The following GLIS3 variants were observed in gnomAD, a reference collection of about 807,000 sequenced individuals.
GLIS3 encodes GLIS family zinc finger 3, also known as zinc finger protein GLIS3.
Under a neutral mutation model 78.6 loss-of-function variants are expected in GLIS3, and 53 were observed. The observed-to-expected ratio is 0.67, with a 90% CI of 0.54 to 0.85. GLIS3 has a LOEUF of 0.85. Ranked by LOEUF, GLIS3 falls within the 40% of genes least tolerant of loss-of-function variation. The pLI, the probability that GLIS3 is intolerant of heterozygous loss-of-function variation, is 0.00. For synonymous variants in GLIS3, 684 were observed against 509.9 expected (o/e 1.34, Z -4.60); for missense variants, 1,703 against 1,231.1 (o/e 1.38, Z -5.74).
chr9:4,360,387 C>G, the GLIS3 span, among the ~76,000 whole-genome samples: 2 of 152,160 alleles, frequency 1.3e-5, no homozygotes, highest in Admixed American at 6.5e-5. Context: ...CTTTCTGTAC[C>G]TGGAAAATCA....
chr9:4,347,764 T>C (rs10974485), intron 1 of GLIS3, among the ~76,000 whole-genome samples: 29,361 of 152,008 alleles, frequency 0.19, 3,010 homozygotes, highest in East Asian at 0.33. Context: ...TGGGGGAGTC[T>C]ATCGCTTTAC....
At chr9:3,885,813 A>G (rs1822038029) in intron 7 of GLIS3, among the ~76,000 whole-genome samples, 1 of 152,246 alleles carries the variant, frequency 6.6e-6, no homozygotes, top group East Asian at 1.9e-4. Flanking sequence ...GGCACTTTAT[A>G]GAGACATTGT....
chr9:4,075,292 G>A (rs1342336187), intron 4 of GLIS3, among the ~76,000 whole-genome samples: 3 of 151,964 alleles, frequency 2.0e-5, no homozygotes, highest in African/African-American at 7.3e-5. Context: ...ATTCAGGCCG[G>A]GCGCGGTGGC....
At chr9:4,240,666 G>A (rs867171915) in intron 2 of GLIS3, among the ~76,000 whole-genome samples, 9 of 152,134 alleles carry the variant, frequency 5.9e-5, no homozygotes, top group Middle Eastern at 3.2e-3. Context: ...TCAAATACAA[G>A]TTGGAATCCT....
At chr9:3,887,744 T>C (rs1822175006) in intron 7 of GLIS3, among the ~76,000 whole-genome samples, 1 of 152,180 alleles carries the variant, frequency 6.6e-6, no homozygotes, top group Non-Finnish European at 1.5e-5. Context: ...AAAGGTACCA[T>C]CAAGCATTCC....
rs554570361 is a variant in GLIS3, at chr9:3,977,704, T to A, written c.1711-40515A>T. On this transcript the variant is annotated intron_variant, in intron 4 of 10. Transcript: ENST00000381971. The surrounding 1 kb of genome is among the most constrained non-coding windows in gnomAD (Gnocchi z 4.1). ...AGATCATAGAGATGTTACTTTACTT[T>A]AATAGTTCTTTTATACAAGTACATA... 2.0e-4 allele frequency among the ~76,000 whole-genome samples: 30 copies of A among 152,338 alleles called. No homozygotes were observed. The highest frequency in any genetic ancestry group is 7.0e-4 in the African/African-American group (29 of 41,588).
the GLIS3 span, among the ~76,000 whole-genome samples, chr9:4,375,001 C>T: frequency 6.6e-6 from 1 of 152,062 alleles, no homozygotes; most frequent in African/African-American, 2.4e-5. Context: ...TTCAACCCCC[C>T]TACTGTTGGA....
chr9:4,464,995 A>G, the GLIS3 span, among the ~76,000 whole-genome samples: 2 of 152,220 alleles, frequency 1.3e-5, no homozygotes, highest in African/African-American at 4.8e-5. Flanking sequence ...CAAGCTATAA[A>G]TGGATGTGGC....
intron 8 of GLIS3, among the ~76,000 whole-genome samples, chr9:3,876,459 G>C (rs1037096899): frequency 7.3e-5 from 11 of 150,934 alleles, no homozygotes; most frequent in Non-Finnish European, 1.6e-4. Flanking sequence ...TTAGAGAATA[G>C]TATTATATCA....
intron 4 of GLIS3, among the ~76,000 whole-genome samples, chr9:3,997,495 T>C (rs1454745502): frequency 1.3e-5 from 2 of 152,062 alleles, no homozygotes; most frequent in Non-Finnish European, 2.9e-5. Flanking sequence ...TTTTATGCGA[T>C]CCTCACTCAT....
At chr9:4,076,657 A>G (rs1415296236) in intron 4 of GLIS3, among the ~76,000 whole-genome samples, 3 of 152,224 alleles carry the variant, frequency 2.0e-5, no homozygotes, top group South Asian at 2.1e-4. Flanking sequence ...GTCTTTCTTT[A>G]AAAATGTGAA....
chr9:4,177,229 C>T (rs1228237851), intron 2 of GLIS3, among the ~76,000 whole-genome samples: 1 of 152,204 alleles, frequency 6.6e-6, no homozygotes, highest in African/African-American at 2.4e-5. Flanking sequence ...AGGATTATTT[C>T]CCCTTTATGA....
chr9:4,183,639 T>G (rs1817523202), intron 2 of GLIS3, among the ~76,000 whole-genome samples: 1 of 152,230 alleles, frequency 6.6e-6, no homozygotes, highest in Non-Finnish European at 1.5e-5. Context: ...TGATTAGATT[T>G]ACTTTGAAGG....
chr9:3,941,442 A>G (rs1461671756), intron 4 of GLIS3, among the ~76,000 whole-genome samples: 1 of 152,106 alleles, frequency 6.6e-6, no homozygotes, highest in Non-Finnish European at 1.5e-5. Flanking sequence ...TTAGTTACAT[A>G]TGTATACATG....
chr9:4,398,021 G>T, the GLIS3 span, among the ~76,000 whole-genome samples: 1 of 151,980 alleles, frequency 6.6e-6, no homozygotes, highest in Non-Finnish European at 1.5e-5. Flanking sequence ...CTCTCATTCT[G>T]ATGCAGAGAC....
chr9:4,405,919 G>A, the GLIS3 span, among the ~76,000 whole-genome samples: 3,409 of 152,210 alleles, frequency 0.022, 63 homozygotes, highest in Non-Finnish European at 0.034. Flanking sequence ...TTCAACATAC[G>A]TCCATCAATG....
intron 2 of GLIS3, among the ~76,000 whole-genome samples, chr9:4,279,005 T>C (rs1827274234): frequency 1.3e-5 from 2 of 152,042 alleles, no homozygotes; most frequent in South Asian, 4.2e-4. Flanking sequence ...CTAAACTCTT[T>C]AAAAATATCA....
At chr9:4,165,696 A>T (rs944187566) in intron 2 of GLIS3, among the ~76,000 whole-genome samples, 11 of 152,226 alleles carry the variant, frequency 7.2e-5, no homozygotes, top group Admixed American at 7.2e-4. Context: ...CAAGTTGAGT[A>T]TGATGTGCCT....
At chr9:3,959,555 ATC>A (rs1417654530) in intron 4 of GLIS3, among the ~76,000 whole-genome samples, 2 of 152,128 alleles carry the variant, frequency 1.3e-5, no homozygotes, top group Admixed American at 1.3e-4. Context: ...ATGTGATCCA[ATC>A]TCTGCCACAT....
Sources: allele counts gnomAD v4.1 joint callset (sites outside exome capture counted in the v4.1 genomes callset), GRCh38; gene constraint gnomAD v4.1.1; non-coding constraint Gnocchi (gnomAD v3.1); transcripts MANE v1.5; gene names NCBI Gene and HGNC (gene_info 2026-07-23, HGNC 2026-07-21).